The following MORN1 variants were observed in gnomAD, a reference collection of about 807,000 sequenced individuals.
The protein encoded by MORN1 is MORN repeat-containing protein 1.
In MORN1, 67 loss-of-function variants were observed where a neutral mutation model predicts 61.9. That is an observed-to-expected ratio of 1.08 (90% CI 0.89 to 1.33). The LOEUF is 1.33. Among genes scored for constraint, MORN1 ranks in the 40% most tolerant of loss-of-function variants. MORN1 has a pLI of 0.00. For missense variants in MORN1, 752 were observed against 691.2 expected, an observed-to-expected ratio of 1.09 and a Z score of -0.99; for synonymous variants, 301 against 292.0, an observed-to-expected ratio of 1.03 and a Z score of -0.31.
rs147757432 is a variant in MORN1, at chr1:2,385,829, C to T, written c.427G>A (p.Gly143Ser). ...CACTGAAAGAGCATCTGCCCAGGGCCGTGCCTCTTGTTGTCATGGAAGGAG... is the reference window on the plus strand; with the variant it reads ...CACTGAAAGAGCATCTGCCCAGGGCTGTGCCTCTTGTTGTCATGGAAGGAG... ...QGSFHDNKRH[G>S]PGQMLFQNGD... Residue 143 changes from glycine (G) to serine (S), a missense_variant, in exon 5 of 14, where the codon GGC (glycine) becomes AGC (serine). Coordinates refer to ENST00000378531, the MANE Select transcript of MORN1 (RefSeq NM_024848.3). 1.7e-4 allele frequency: 269 copies of T among 1,613,912 alleles called. No individual in the cohort carries two copies. The highest frequency in any genetic ancestry group is 3.3e-4 in the Middle Eastern group (2 of 6,062).
rs115416669 is a variant in MORN1, at chr1:2,381,276, T to C, written c.537+3702A>G. Among the ~76,000 whole-genome samples, 505 of 152,342 alleles carry C rather than the reference T, an allele frequency of 3.3e-3. 1 individual carries two copies. The highest frequency in any genetic ancestry group is 0.012 in the African/African-American group (482 of 41,588). On this transcript the variant is annotated intron_variant, in intron 6 of 13. Coordinates refer to ENST00000378531, the MANE Select transcript of MORN1 (RefSeq NM_024848.3). Reference sequence around the variant, plus strand: ...GGGAGCCCAGCCTGTCCTTTTGGCCTCGGGCGCCCTTCTCAGCGTCTACAT... The same window carrying C: ...GGGAGCCCAGCCTGTCCTTTTGGCCCCGGGCGCCCTTCTCAGCGTCTACAT...
Position 2,323,869 on chromosome 1 carries a change from G to A in MORN1, c.1297+228C>T, listed in dbSNP as rs376311685. On this transcript the variant is annotated intron_variant, in intron 13 of 13. Coordinates refer to ENST00000378531, the MANE Select transcript of MORN1 (RefSeq NM_024848.3). Reference sequence around the variant, plus strand: ...CATTCCCCACATCAAGGGCTGTGTCGGCCCAGCTTCAAATCTTTCTGGACC... The same window carrying A: ...CATTCCCCACATCAAGGGCTGTGTCAGCCCAGCTTCAAATCTTTCTGGACC... 264 of 985,184 alleles carry A rather than the reference G, an allele frequency of 2.7e-4. 1 individual carries two copies. The highest frequency in any genetic ancestry group is 2.3e-3 in the South Asian group (50 of 21,282). The allele number at this position is 985,184 out of a possible 1,614,324, so 61.0% of individuals were successfully genotyped here. A position where few individuals can be genotyped will look rare whatever the true frequency, so the allele number is the denominator to read the frequency against.
intron 10 of MORN1, among the ~76,000 whole-genome samples, chr1:2,345,851 AC>A (rs1557875117): frequency 1.0e-5 from 1 of 99,622 alleles, no homozygotes; most frequent in East Asian, 2.5e-4. Context: ...ACACACACAC[AC>A]ACAGATGTTT....
chr1:2,385,249 G>C, intron 5 of MORN1, 184 bp from the exon 6 acceptor site: 1 of 617,800 alleles, frequency 1.6e-6, no homozygotes, highest in Non-Finnish European at 2.9e-6. Flanking sequence ...ACAGGCGGTG[G>C]GGACACGTCC....
At chr1:2,389,093 C>G (rs1354011038) in intron 2 of MORN1, among the ~76,000 whole-genome samples, 1 of 122,570 alleles carries the variant, frequency 8.2e-6, no homozygotes, top group African/African-American at 3.0e-5. Context: ...GCCTGGGCAA[C>G]AAGAGCAAAA....
At chr1:2,367,676 G>A (rs1371089589) in intron 8 of MORN1, among the ~76,000 whole-genome samples, 1 of 152,040 alleles carries the variant, frequency 6.6e-6, no homozygotes, top group Non-Finnish European at 1.5e-5. Context: ...TCTTGCTCTG[G>A]GGTGCAGTGG....
intron 10 of MORN1, among the ~76,000 whole-genome samples, chr1:2,346,821 C>T (rs1349923924): frequency 6.6e-6 from 1 of 152,226 alleles, no homozygotes; most frequent in Non-Finnish European, 1.5e-5. Context: ...ACCGAGGCTC[C>T]TGCCGGTCAC....
rs1642634995 is a variant in MORN1, at chr1:2,390,807, G to A, written c.76+651C>T. On this transcript the variant is annotated intron_variant, in intron 1 of 13. Coordinates refer to ENST00000378531, the MANE Select transcript of MORN1 (RefSeq NM_024848.3). ...TCTGTCGCCCAGGCTGGGGTGCAGCGGCGCGATCTCGGCTCTCTGCAACCT... is the reference window on the plus strand; with the variant it reads ...TCTGTCGCCCAGGCTGGGGTGCAGCAGCGCGATCTCGGCTCTCTGCAACCT... 1.1e-5 allele frequency: 10 copies of A among 945,200 alleles called. No individual in the cohort carries two copies. The South Asian group carries it at 3.9e-4, about 37-fold the overall frequency. The allele number at this position is 945,200 out of a possible 1,614,324, so 58.6% of individuals were successfully genotyped here. A position where few individuals can be genotyped will look rare whatever the true frequency, so the allele number is the denominator to read the frequency against.
chr1:2,377,533 C>A (rs1304777694), intron 6 of MORN1: 1 of 152,356 alleles, frequency 6.6e-6, no homozygotes, highest in East Asian at 1.9e-4. Flanking sequence ...CTGGCGCTGG[C>A]CCACTCCAAG....
At position 2,372,664 on chromosome 1, in the gene MORN1, G is replaced by A; in HGVS notation, c.635-73C>T. The A allele has an allele frequency of 3.3e-6, 4 of 1,215,276 alleles. No individual in the cohort carries two copies. The highest frequency in any genetic ancestry group is 1.3e-5 in the South Asian group (1 of 74,978). The allele number at this position is 1,215,276 out of a possible 1,614,324, so 75.3% of individuals were successfully genotyped here. A position where few individuals can be genotyped will look rare whatever the true frequency, so the allele number is the denominator to read the frequency against. On this transcript the variant is annotated intron_variant, in intron 7 of 13. Transcript: ENST00000378531. This position sits in a 1 kb window ranked among gnomAD's most constrained non-coding sequence, Gnocchi z 5.4. Reference sequence around the variant, plus strand: ...CACCCACCCCATGGCTGAGTCAGCAGTGGGCACCCCAGGAACCGACCAGAG... The same window carrying A: ...CACCCACCCCATGGCTGAGTCAGCAATGGGCACCCCAGGAACCGACCAGAG...
intron 10 of MORN1, among the ~76,000 whole-genome samples, chr1:2,346,486 A>G (rs954887363): frequency 1.3e-5 from 2 of 152,132 alleles, no homozygotes; most frequent in African/African-American, 4.8e-5. Context: ...CCCTGGTTCA[A>G]GCGATTCTTC....
At position 2,387,526 on chromosome 1, in the gene MORN1, T is replaced by C. The variant is rs769842369; in HGVS notation, c.251A>G (p.Asp84Gly). The change falls in exon 4 of 14, where the codon GAC becomes GGC. Residue 84 changes from aspartate to glycine, a missense_variant. Transcript: ENST00000378531. ...EGRRHWAWSG[D>G]TFSGQFVLGE... is the part of the protein sequence containing the mutation. ...CAGAACAAACTGTCCAGAGAAGGTGTCTCCTGCATGTGGACAAGGAGGAGG... is the reference window on the plus strand; with the variant it reads ...CAGAACAAACTGTCCAGAGAAGGTGCCTCCTGCATGTGGACAAGGAGGAGG... The C allele has an allele frequency of 4.2e-5, 68 of 1,609,592 alleles. No individual in the cohort carries two copies. The East Asian group carries it at 1.0e-3, about 24-fold the overall frequency.
intron 12 of MORN1, among the ~76,000 whole-genome samples, chr1:2,329,331 T>C (rs1641099409): frequency 6.6e-6 from 1 of 152,146 alleles, no homozygotes; most frequent in South Asian, 2.1e-4. Context: ...TTTTTCAACC[T>C]TTAAAAGTTT....
chr1:2,352,497 G>C (rs1027077037), intron 10 of MORN1: 2 of 152,434 alleles, frequency 1.3e-5, no homozygotes, highest in Non-Finnish European at 2.9e-5. Flanking sequence ...CTTGGAGGAA[G>C]CCAAATGTGG....
intron 10 of MORN1, among the ~76,000 whole-genome samples, chr1:2,338,232 ATC>A (rs1641321274): frequency 6.6e-6 from 1 of 152,176 alleles, no homozygotes; most frequent in African/African-American, 2.4e-5. Flanking sequence ...TGGGAGAATT[ATC>A]TCTCTCAGAG....
intron 5 of MORN1, 163 bp from the exon 6 acceptor site, chr1:2,385,228 G>A (rs1642466521): frequency 1.5e-6 from 1 of 678,118 alleles, no homozygotes; most frequent in Non-Finnish European, 2.5e-6. Flanking sequence ...AGGGCCAGCT[G>A]GGGGCCGACG....
chr1:2,336,726 G>C lies in MORN1; in HGVS notation c.1161C>G (p.Ser387Arg). Residue 387 changes from serine to arginine, a missense_variant, in exon 11 of 14, where the codon AGC becomes AGG. Transcript: ENST00000378531. Reference sequence around the variant, plus strand: ...CCCCGTGGGCACCCACCTTGTGGAGGCTGTCCAGGAACAGGAAGGGGTGGT... The same window carrying C: ...CCCCGTGGGCACCCACCTTGTGGAGCCTGTCCAGGAACAGGAAGGGGTGGT... ...PGYHPFLFLD[S>R]LHKKAGGRSR... 6.4e-7 allele frequency: 1 copy of C among 1,571,048 alleles called. No individual in the cohort carries two copies. Among genetic ancestry groups the C allele is most frequent in the Non-Finnish European group, 8.6e-7 (1 of 1,159,018 alleles).
In MORN1 at chr1:2,372,793, C is replaced by T. The variant is rs991198733; in HGVS notation, c.635-202G>A. Among the ~76,000 whole-genome samples, 1 of 152,268 alleles carries T rather than the reference C, an allele frequency of 6.6e-6. No homozygotes were observed. The highest frequency in any genetic ancestry group is 2.4e-5 in the African/African-American group (1 of 41,476). ...AGTCGTCCACACTCAGACCGTGAGGCTCGGCTCTGCTGGCCTGGAGCACTG... is the reference window on the plus strand; with the variant it reads ...AGTCGTCCACACTCAGACCGTGAGGTTCGGCTCTGCTGGCCTGGAGCACTG... On this transcript the variant is annotated intron_variant, in intron 7 of 13. Coordinates refer to ENST00000378531, the MANE Select transcript of MORN1 (RefSeq NM_024848.3). This position sits in a 1 kb window ranked among gnomAD's most constrained non-coding sequence, Gnocchi z 5.4.
chr1:2,383,177 C>T (rs1029422191), intron 6 of MORN1, among the ~76,000 whole-genome samples: 4 of 152,208 alleles, frequency 2.6e-5, no homozygotes, highest in Non-Finnish European at 4.4e-5. Context: ...ACCCTGTCAA[C>T]GTTTCTCCTT....
Sources: allele counts gnomAD v4.1 joint callset (sites outside exome capture counted in the v4.1 genomes callset), GRCh38; gene constraint gnomAD v4.1.1; non-coding constraint Gnocchi (gnomAD v3.1); transcripts MANE v1.5; gene names NCBI Gene and HGNC (gene_info 2026-07-23, HGNC 2026-07-21).